The following NAA16 variants were observed in gnomAD, a reference collection of about 807,000 sequenced individuals.
NAA16 encodes N-alpha-acetyltransferase 16, NatA auxiliary subunit.
In NAA16, 97 loss-of-function variants were observed where a neutral mutation model predicts 110.3. That is an observed-to-expected ratio of 0.88 (90% CI 0.75 to 1.04). The LOEUF (loss-of-function observed/expected upper bound fraction) is 1.04, where lower values mean the gene tolerates loss of function less well. Ranked by LOEUF, NAA16 falls within the 50% of genes least tolerant of loss-of-function variation. NAA16 has a pLI of 0.00. For missense variants in NAA16, 1,017 were observed against 1,005.1 expected, an observed-to-expected ratio of 1.01 and a Z score of -0.16; for synonymous variants, 372 against 330.6, an observed-to-expected ratio of 1.13 and a Z score of -1.36.
intron 6 of NAA16, chr13:41,327,904 T>A (rs573996682): frequency 6.6e-6 from 1 of 151,652 alleles, no homozygotes; most frequent in South Asian, 2.1e-4. Flanking sequence ...ATAAAAATAG[T>A]AAAAAAAATA....
chr13:41,369,894 A>T (rs780327868), intron 15 of NAA16, among the ~76,000 whole-genome samples: 41 of 152,208 alleles, frequency 2.7e-4, no homozygotes, highest in Non-Finnish European at 4.7e-4. Context: ...TGGGCTTTTA[A>T]CCTATAAGAA....
chr13:41,369,010 T>C lies in NAA16; in HGVS notation c.1754-80T>C, dbSNP rs1375441277. On this transcript the variant is annotated intron_variant, in intron 14 of 19. Transcript: ENST00000379406. The stretch of plus-strand genomic sequence containing the variant: ...CCCCACTGATACCAAGGGACAACCA[T>C]ACTAACAGTATGTATTACAGAAGAA... 4.8e-6 allele frequency: 6 copies of C among 1,254,206 alleles called. No individual in the cohort carries two copies. The African/African-American group carries it at 9.1e-5, about 19-fold the overall frequency. The allele number at this position is 1,254,206 out of a possible 1,614,324, so 77.7% of individuals were successfully genotyped here. A position where few individuals can be genotyped will look rare whatever the true frequency, so the allele number is the denominator to read the frequency against.
Position 41,373,772 on chromosome 13 carries a change from T to C in NAA16, c.2291T>C (p.Leu764Pro), listed in dbSNP as rs376313514. The C allele has an allele frequency of 6.3e-7, 1 of 1,595,326 alleles. No homozygotes were observed. The highest frequency in any genetic ancestry group is 1.4e-5 in the African/African-American group (1 of 73,552). The part of the protein sequence containing the change: ...LKRNATSLQH[L>P]LSGAKMMYFL... ...CGTAACGCTACCTCTCTTCAGCATC[T>C]ACTTTCAGGTTTGTTTGTAGCCCCC... The change falls in exon 18 of 20, where the codon CTA becomes CCA. Residue 764 changes from leucine to proline, a missense_variant. By Grantham distance (98) the Leu-to-Pro change is moderately conservative (BLOSUM62 -3). Transcript: ENST00000379406.
At chr13:41,369,394 C>T (rs2043271841) in intron 15 of NAA16, 111 bp downstream of exon 15, 1 of 1,142,290 alleles carries the variant, frequency 8.8e-7, no homozygotes, top group Non-Finnish European at 1.2e-6. Context: ...TGAAATATTT[C>T]AAGGTTTTTA....
chr13:41,325,775 G>C lies in NAA16; in HGVS notation c.615G>C (p.Leu205=). Residue 205 remains leucine, a synonymous_variant, in exon 6 of 20, where the codon CTG becomes CTC. Coordinates refer to ENST00000379406, the MANE Select transcript of NAA16 (RefSeq NM_024561.5). ...YQNQVMREAD[L]LQESLEHIEM... ...ATCAAGTGATGAGAGAGGCAGATCT[G>C]TTGCAGGAATCTTTGGAACATATAG... 6.2e-7 allele frequency: 1 copy of C among 1,606,364 alleles called. No individual in the cohort carries two copies. Among genetic ancestry groups the C allele is most frequent in the East Asian group, 2.2e-5 (1 of 44,660 alleles).
At chr13:41,362,846 A>C (rs2043140993) in intron 13 of NAA16, 3 of 1,287,156 alleles carry the variant, frequency 2.3e-6, no homozygotes, top group Non-Finnish European at 2.0e-6. Flanking sequence ...ATCCTGACGC[A>C]GTATAGAACC....
In NAA16 at chr13:41,325,799, A is replaced by G. The variant is rs1593428235; in HGVS notation, c.639A>G (p.Ile213Met). The change falls in exon 6 of 20, where the codon ATA (isoleucine) becomes ATG (methionine). Residue 213 changes from isoleucine (I) to methionine (M), a missense_variant. Ile to Met is a conservative substitution (Grantham distance 10). Transcript: ENST00000379406. ...TGTTGCAGGAATCTTTGGAACATAT[A>G]GAAATGTATGAGAAACAAATATGTG... ...ADLLQESLEH[I>M]EMYEKQICDK... The G allele has an allele frequency of 6.2e-7, 1 of 1,610,290 alleles. No individual in the cohort carries two copies. Among genetic ancestry groups the G allele is most frequent in the African/African-American group, 1.3e-5 (1 of 74,832 alleles).
intron 9 of NAA16, among the ~76,000 whole-genome samples, chr13:41,345,155 T>G (rs1397783186): frequency 2.0e-5 from 3 of 152,256 alleles, no homozygotes; most frequent in African/African-American, 7.2e-5. Flanking sequence ...TGAACTTTGG[T>G]GTACAAGTTT....
rs1362636515 is a variant in NAA16 at position 41,369,058 on chromosome 13, G to T, written c.1754-32G>T. On this transcript the variant is annotated intron_variant, in intron 14 of 19. Transcript: ENST00000379406. ...GAATATGAAGAAAATGCAAACATTG[G>T]CTCAGAATTTTGTTCATTTGGATAT... 4.6e-6 allele frequency: 7 copies of T among 1,534,490 alleles called. No individual in the cohort carries two copies. In the Admixed American group the frequency reaches 1.6e-4, roughly 36 times the overall value.
chr13:41,359,095 AT>A, intron 12 of NAA16, 133 bp downstream of exon 12: 2 of 602,990 alleles, frequency 3.3e-6, no homozygotes, highest in Non-Finnish European at 5.4e-6. Flanking sequence ...GTTTTTTAAA[AT>A]CCCATTTAAC....
chr13:41,334,584 A>G (rs1164950743), intron 8 of NAA16, among the ~76,000 whole-genome samples: 1 of 152,206 alleles, frequency 6.6e-6, no homozygotes, highest in Non-Finnish European at 1.5e-5. Flanking sequence ...TATTCAGGTA[A>G]CCTGTTTTGT....
intron 14 of NAA16, among the ~76,000 whole-genome samples, chr13:41,368,082 A>C (rs996214441): frequency 2.0e-5 from 3 of 152,290 alleles, no homozygotes; most frequent in South Asian, 2.1e-4. Context: ...ATGTCTGTGG[A>C]CTAGTTTTTT....
intron 9 of NAA16, among the ~76,000 whole-genome samples, chr13:41,348,174 AT>A (rs370634037): frequency 0.029 from 4,341 of 148,786 alleles, 190 homozygotes; most frequent in African/African-American, 0.098. Flanking sequence ...ACCAATTTTT[AT>A]TTTTTTTTTC....
rs150083994 is a variant in NAA16 at position 41,358,435 on chromosome 13, C to G, written c.1219C>G (p.Leu407Val). The change falls in exon 11 of 20, where the codon CTA becomes GTA. Residue 407 changes from leucine (L) to valine (V), a missense_variant. Transcript: ENST00000379406. ...INAAIASTPT[L>V]IELFYMKAKI... ...TGCTGCAATTGCTAGTACTCCAACTCTAATAGAATTATTCTATATGAAAGC... is the reference window on the plus strand; with the variant it reads ...TGCTGCAATTGCTAGTACTCCAACTGTAATAGAATTATTCTATATGAAAGC... 6 of 1,613,340 alleles carry G rather than the reference C, an allele frequency of 3.7e-6. No homozygotes were observed. In the East Asian group the frequency reaches 6.7e-5, roughly 18 times the overall value.
In NAA16 at chr13:41,369,118, A is replaced by C; in HGVS notation, c.1782A>C (p.Lys594Asn). ...SENLSAKELK[K>N]MLSKQRRAQK... The stretch of plus-strand genomic sequence containing the variant: ...ACTTGTCAGCCAAAGAATTGAAGAA[A>C]ATGCTTAGCAAGCAGAGAAGAGCTC... The change falls in exon 15 of 20, where the codon AAA (lysine) becomes AAC (asparagine). Residue 594 changes from lysine to asparagine, a missense_variant. Physicochemically the swap from Lys to Asn is moderately conservative, Grantham distance 94. Transcript: ENST00000379406. 1.3e-6 allele frequency: 2 copies of C among 1,568,628 alleles called. No homozygotes were observed. The highest frequency in any genetic ancestry group is 1.7e-6 in the Non-Finnish European group (2 of 1,167,124).
chr13:41,375,842 A>G lies in NAA16; in HGVS notation c.*240A>G, dbSNP rs1053097826. Reference sequence around the variant, plus strand: ...GCTCCGATCGCTTCTGTATAATTATAATTTCTTACTAAGCTAAGTTGTATA... The same window carrying G: ...GCTCCGATCGCTTCTGTATAATTATGATTTCTTACTAAGCTAAGTTGTATA... On this transcript the variant is annotated 3_prime_UTR_variant, in exon 20 of 20. Coordinates refer to ENST00000379406, the MANE Select transcript of NAA16 (RefSeq NM_024561.5). The G allele has an allele frequency of 5.8e-6, 2 of 346,570 alleles. No homozygotes were observed. The highest frequency in any genetic ancestry group is 9.8e-5 in the East Asian group (2 of 20,364). The allele number at this position is 346,570 out of a possible 1,614,324, so 21.5% of individuals were successfully genotyped here. A position where few individuals can be genotyped will look rare whatever the true frequency, so the allele number is the denominator to read the frequency against.
intron 8 of NAA16, among the ~76,000 whole-genome samples, chr13:41,335,687 C>A (rs2139427964): frequency 6.6e-6 from 1 of 152,210 alleles, no homozygotes; most frequent in South Asian, 2.1e-4. Flanking sequence ...TTTTTTATGA[C>A]ATCTAATTAT....
At position 41,375,549 on chromosome 13, in the gene NAA16, A is replaced by C. The variant is rs2043412944; in HGVS notation, c.2542A>C (p.Asn848His). The change falls in exon 20 of 20, where the codon AAT (asparagine) becomes CAT (histidine). Residue 848 changes from asparagine to histidine, a missense_variant. By Grantham distance (68) the Asn-to-His change is moderately conservative (BLOSUM62 1). Coordinates refer to ENST00000379406, the MANE Select transcript of NAA16 (RefSeq NM_024561.5). ...TGCTGTGAATGAAGTCGACAATCCT[A>C]ATGTGGCACTGAACCATACAGCTAA... The part of the protein sequence containing the change: ...LPAVNEVDNP[N>H]VALNHTANYD... The C allele has an allele frequency of 6.2e-7, 1 of 1,614,086 alleles. No individual in the cohort carries two copies. Among genetic ancestry groups the C allele is most frequent in the South Asian group, 1.1e-5 (1 of 91,078 alleles).
Position 41,325,749 on chromosome 13 carries a change from A to C in NAA16, c.589A>C (p.Asn197His). The change falls in exon 6 of 20, where the codon AAT becomes CAT. Residue 197 changes from asparagine to histidine, a missense_variant. Transcript: ENST00000379406. ...YEYSELILYQ[N>H]QVMREADLLQ... ...ATATAGTGAATTGATATTATACCAGAATCAAGTGATGAGAGAGGCAGATCT... is the reference window on the plus strand; with the variant it reads ...ATATAGTGAATTGATATTATACCAGCATCAAGTGATGAGAGAGGCAGATCT... 1 of 1,603,732 alleles carries C rather than the reference A, an allele frequency of 6.2e-7. No individual in the cohort carries two copies. Among genetic ancestry groups the C allele is most frequent in the Non-Finnish European group, 8.5e-7 (1 of 1,171,746 alleles).
Sources: gnomAD v4.1 joint callset for allele counts (sites outside exome capture counted in the v4.1 genomes callset) on GRCh38, gnomAD v4.1.1 for gene constraint, MANE v1.5 for transcripts, NCBI Gene and HGNC (gene_info 2026-07-23, HGNC 2026-07-21) for gene names.